The following TSHZ2 variants were observed in gnomAD, a reference collection of about 807,000 sequenced individuals.
TSHZ2 encodes the protein teashirt zinc finger homeobox 2.
In TSHZ2, 21 loss-of-function variants were observed where a neutral mutation model predicts 74.4. That is an observed-to-expected ratio of 0.28 (90% CI 0.20 to 0.41). The LOEUF is 0.41. Among genes scored for constraint, TSHZ2 ranks in the 10% least tolerant of loss-of-function variants. The pLI is 1.00. For synonymous variants in TSHZ2, 540 were observed against 515.3 expected, an observed-to-expected ratio of 1.05 and a Z score of -0.65; for missense variants, 1,244 against 1,293.5, an observed-to-expected ratio of 0.96 and a Z score of 0.59.
intron 2 of TSHZ2, among the ~76,000 whole-genome samples, chr20:53,449,673 C>T (rs1175880252): frequency 1.3e-5 from 2 of 152,232 alleles, no homozygotes; most frequent in Non-Finnish European, 2.9e-5. Flanking sequence ...GTTCCATCTT[C>T]ACATATTAAA....
chr20:53,347,973 C>A (rs1297347479), intron 2 of TSHZ2, among the ~76,000 whole-genome samples: 1 of 152,086 alleles, frequency 6.6e-6, no homozygotes, highest in Non-Finnish European at 1.5e-5. Flanking sequence ...ACGTGGTAAC[C>A]CTACTCTTTC....
intron 1 of TSHZ2, among the ~76,000 whole-genome samples, chr20:53,070,512 A>G (rs1248682674): frequency 2.6e-5 from 4 of 152,232 alleles, no homozygotes; most frequent in African/African-American, 9.6e-5. Context: ...CTAAAAATGT[A>G]GATCATTTTT....
At chr20:53,208,796 A>T (rs1034304061) in intron 1 of TSHZ2, 2 of 152,300 alleles carry the variant, frequency 1.3e-5, no homozygotes, top group African/African-American at 4.8e-5. Flanking sequence ...ACCACTGTGC[A>T]GTGCTACCAC....
intron 1 of TSHZ2, among the ~76,000 whole-genome samples, chr20:53,213,148 C>T (rs181788005): frequency 7.4e-4 from 113 of 152,238 alleles, no homozygotes; most frequent in Non-Finnish European, 1.4e-3. Flanking sequence ...CAATGTCTTA[C>T]AAACAATCAA....
intron 2 of TSHZ2, among the ~76,000 whole-genome samples, chr20:53,401,927 C>T (rs901579385): frequency 3.3e-5 from 5 of 152,026 alleles, no homozygotes; most frequent in Admixed American, 3.3e-4. Flanking sequence ...GGACTACAGG[C>T]ACCCGCCACC....
rs1340251832 is a variant in TSHZ2, at chr20:53,104,379, A to AT, written c.40+131046_40+131047insT. 2.0e-5 allele frequency among the ~76,000 whole-genome samples: 3 copies of AT among 152,324 alleles called. No homozygotes were observed. In the East Asian group the frequency reaches 5.8e-4, roughly 29 times the overall value. ...CTGTTAGAGGCCATTTAGGCTGCTT[A>AT]AGAGCACTAGGAGCAATCCAGAGAA... On this transcript the variant is annotated intron_variant, in intron 1 of 2. Coordinates refer to ENST00000371497, the MANE Select transcript of TSHZ2 (RefSeq NM_173485.6).
intron 1 of TSHZ2, among the ~76,000 whole-genome samples, chr20:53,039,781 AACACAC>A (rs61356112): frequency 0.26 from 39,331 of 149,274 alleles, 7,633 homozygotes; most frequent in African/African-American, 0.54. Context: ...CTCCATCTCA[AACACAC>A]ACACACACAC....
intron 2 of TSHZ2, among the ~76,000 whole-genome samples, chr20:53,325,507 A>G (rs138479337): frequency 2.4e-4 from 37 of 152,300 alleles, no homozygotes; most frequent in Non-Finnish European, 4.4e-4. Context: ...AGGGCAGTTC[A>G]GCTCAGGGAG....
intron 2 of TSHZ2, among the ~76,000 whole-genome samples, chr20:53,331,508 G>C (rs1013661935): frequency 1.3e-5 from 2 of 152,124 alleles, no homozygotes; most frequent in African/African-American, 4.8e-5. Flanking sequence ...TCTGAGGGGA[G>C]AGGGGAGAGG....
chr20:53,114,443 T>G (rs1394353463), intron 1 of TSHZ2, among the ~76,000 whole-genome samples: 1 of 148,450 alleles, frequency 6.7e-6, no homozygotes, highest in African/African-American at 2.6e-5. Context: ...CCTCACGATA[T>G]GTCATGAAGA....
At chr20:53,322,207 A>G (rs977545843) in intron 2 of TSHZ2, among the ~76,000 whole-genome samples, 2 of 152,212 alleles carry the variant, frequency 1.3e-5, no homozygotes, top group Non-Finnish European at 2.9e-5. Flanking sequence ...GGCAGAGGAC[A>G]GTGATTTTAT....
intron 1 of TSHZ2, among the ~76,000 whole-genome samples, chr20:53,210,443 G>C (rs1417947320): frequency 6.6e-6 from 1 of 152,082 alleles, no homozygotes; most frequent in East Asian, 1.9e-4. Flanking sequence ...GTGGGGAAAT[G>C]ATCTTCCCCT....
chr20:52,980,518 A>C (rs559898653), intron 1 of TSHZ2, among the ~76,000 whole-genome samples: 1 of 152,330 alleles, frequency 6.6e-6, no homozygotes, highest in African/African-American at 2.4e-5. Context: ...TCAGAACTGA[A>C]GGAATACTCT....
chr20:53,459,571 C>T (rs367899711), intron 2 of TSHZ2, among the ~76,000 whole-genome samples: 6 of 143,000 alleles, frequency 4.2e-5, no homozygotes, highest in African/African-American at 1.6e-4. Context: ...AAAGTTAATA[C>T]TGTTATGTGT....
chr20:53,045,476 T>G (rs950249288), intron 1 of TSHZ2, among the ~76,000 whole-genome samples: 4 of 152,200 alleles, frequency 2.6e-5, no homozygotes, highest in Admixed American at 2.6e-4. Context: ...TGGGACAATA[T>G]GCATGGTGTA....
At chr20:52,992,191 A>G (rs954327632) in intron 1 of TSHZ2, among the ~76,000 whole-genome samples, 2 of 152,162 alleles carry the variant, frequency 1.3e-5, no homozygotes, top group African/African-American at 4.8e-5. Context: ...GATTCATCTT[A>G]GGAATTGTGG....
intron 1 of TSHZ2, among the ~76,000 whole-genome samples, chr20:53,226,458 G>A (rs912067588): frequency 1.3e-5 from 2 of 151,978 alleles, no homozygotes; most frequent in Non-Finnish European, 2.9e-5. Flanking sequence ...GTGTGTATGT[G>A]TAACTCTCTC....
At chr20:53,004,825 G>A (rs984068892) in intron 1 of TSHZ2, among the ~76,000 whole-genome samples, 3 of 152,136 alleles carry the variant, frequency 2.0e-5, no homozygotes, top group African/African-American at 4.8e-5. Flanking sequence ...CTATAAGATA[G>A]GCAATATGGG....
chr20:52,981,913 G>A (rs1981583222), intron 1 of TSHZ2, among the ~76,000 whole-genome samples: 1 of 152,152 alleles, frequency 6.6e-6, no homozygotes, highest in African/African-American at 2.4e-5. Flanking sequence ...TCTACTACCT[G>A]GACCTGGAGG....
Sources: allele counts gnomAD v4.1 joint callset (sites outside exome capture counted in the v4.1 genomes callset), GRCh38; gene constraint gnomAD v4.1.1; transcripts MANE v1.5; gene names NCBI Gene and HGNC (gene_info 2026-07-23, HGNC 2026-07-21).